GATB: variants seen among roughly 807,000 people sequenced by gnomAD.
GATB encodes the protein glutamyl-tRNA amidotransferase subunit B.
A neutral mutation model predicts 62.3 loss-of-function variants in GATB; 39 were observed. The ratio of observed to expected loss-of-function variants is 0.63; its 90% CI spans 0.48 to 0.82. The LOEUF is 0.82. Ranked by LOEUF, GATB falls within the 40% of genes least tolerant of loss-of-function variation. The pLI is 0.00. For synonymous variants in GATB, 276 were observed against 258.9 expected (o/e 1.07, Z -0.63); for missense variants, 670 against 684.0 (o/e 0.98, Z 0.23).
At chr4:151,678,655 C>CA (rs1338276711) in intron 11 of GATB, among the ~76,000 whole-genome samples, 1 of 152,108 alleles carries the variant, frequency 6.6e-6, no homozygotes, top group Non-Finnish European at 1.5e-5. Flanking sequence ...TCCAGTTCCA[C>CA]AGCACCCAGC....
chr4:151,748,765 T>C (rs1020789593), intron 2 of GATB, among the ~76,000 whole-genome samples: 3 of 152,234 alleles, frequency 2.0e-5, no homozygotes, highest in Non-Finnish European at 4.4e-5. Flanking sequence ...TCTACCCATC[T>C]GACAAAGGGC....
chr4:151,724,661 C>T (rs746919762), intron 2 of GATB, among the ~76,000 whole-genome samples: 4 of 152,004 alleles, frequency 2.6e-5, no homozygotes, highest in Non-Finnish European at 5.9e-5. Context: ...TCCTCATCTG[C>T]TTGAGCAAGA....
rs534555659 is a variant in GATB at position 151,716,264 on chromosome 4, T to A, written c.641-133A>T. 3.1e-5 allele frequency: 24 copies of A among 770,736 alleles called. 1 individual carries two copies. The highest frequency in any genetic ancestry group is 1.8e-4 in the African/African-American group (10 of 54,790). 47.7% of individuals were successfully genotyped at this position (770,736 alleles called of 1,614,324 possible). A position where few individuals can be genotyped will look rare whatever the true frequency, so the allele number is the denominator to read the frequency against. On this transcript the variant is annotated intron_variant, in intron 4 of 12. Transcript: ENST00000263985. ...GTGGTTCTAGCCTCTCAATCATTTCTCTTCCCTCCCACCTTTTTTTTTTTT... is the reference window on the plus strand; with the variant it reads ...GTGGTTCTAGCCTCTCAATCATTTCACTTCCCTCCCACCTTTTTTTTTTTT...
intron 9 of GATB, among the ~76,000 whole-genome samples, chr4:151,689,026 T>C (rs1227427314): frequency 2.6e-5 from 4 of 152,176 alleles, no homozygotes; most frequent in Non-Finnish European, 5.9e-5. Flanking sequence ...ACCAGAGGGA[T>C]GGTGAAATTC....
At chr4:151,715,771 G>A (rs1470634736) in intron 5 of GATB, among the ~76,000 whole-genome samples, 2 of 152,136 alleles carry the variant, frequency 1.3e-5, no homozygotes, top group African/African-American at 4.8e-5. Context: ...TGGTGTCTCT[G>A]CAATGTTGTT....
At chr4:151,695,385 A>T (rs1312362923) in intron 9 of GATB, among the ~76,000 whole-genome samples, 3 of 152,126 alleles carry the variant, frequency 2.0e-5, no homozygotes, top group Admixed American at 6.5e-5. Context: ...CAGAGGTCAG[A>T]TGTGGAATCA....
intron 2 of GATB, among the ~76,000 whole-genome samples, chr4:151,735,909 C>T (rs1458423310): frequency 1.3e-5 from 2 of 151,628 alleles, no homozygotes; most frequent in Non-Finnish European, 2.9e-5. Flanking sequence ...AGACAACATA[C>T]ATGGTGCAGT....
At chr4:151,688,815 A>T (rs915190951) in intron 9 of GATB, 52 bp from the exon 10 acceptor site, 6 of 1,543,574 alleles carry the variant, frequency 3.9e-6, no homozygotes, top group East Asian at 4.5e-5. Context: ...AAAATGAAAG[A>T]TCAGCATTCT....
chr4:151,679,681 A>G, intron 11 of GATB, 132 bp downstream of exon 11: 1 of 773,778 alleles, frequency 1.3e-6, no homozygotes, highest in Non-Finnish European at 2.3e-6. Flanking sequence ...TCTACCTTTC[A>G]GCATTAAAAA....
At chr4:151,719,160 G>T (rs1353289020) in intron 3 of GATB, among the ~76,000 whole-genome samples, 1 of 152,222 alleles carries the variant, frequency 6.6e-6, no homozygotes, top group Non-Finnish European at 1.5e-5. Context: ...TGCAAACACT[G>T]GCTTCTACTC....
intron 1 of GATB, among the ~76,000 whole-genome samples, chr4:151,760,484 C>T (rs1204837327): frequency 2.0e-5 from 3 of 152,214 alleles, no homozygotes; most frequent in African/African-American, 7.2e-5. Flanking sequence ...TCCCGCTTCT[C>T]GTGTCACCGT....
chr4:151,721,899 CA>C (rs1739039526), intron 2 of GATB: 1 of 421,600 alleles, frequency 2.4e-6, no homozygotes, highest in Admixed American at 4.3e-5. Context: ...ACGGGCACTT[CA>C]TAAACCACCA....
intron 2 of GATB, among the ~76,000 whole-genome samples, chr4:151,751,741 T>C (rs1159992764): frequency 1.3e-5 from 2 of 152,244 alleles, no homozygotes; most frequent in Non-Finnish European, 2.9e-5. Flanking sequence ...GAACATTTTG[T>C]TTTTCCTAGA....
intron 2 of GATB, among the ~76,000 whole-genome samples, chr4:151,734,882 T>C (rs979889002): frequency 2.0e-5 from 3 of 152,234 alleles, no homozygotes; most frequent in Non-Finnish European, 4.4e-5. Context: ...TAGCCACATG[T>C]AGCAGAATCA....
chr4:151,705,377 ATC>A, intron 6 of GATB, 108 bp from the exon 7 acceptor site: 5 of 657,022 alleles, frequency 7.6e-6, no homozygotes, highest in Non-Finnish European at 1.1e-5. Context: ...AAAAAAAAAA[ATC>A]AAGAAGATTG....
rs1738907439 is a variant in GATB, at chr4:151,716,092, G to A, written c.680C>T (p.Ser227Phe). Residue 227 changes from serine to phenylalanine, a missense_variant, in exon 5 of 13, where the codon TCC becomes TTC. Ser to Phe is a radical substitution (Grantham distance 155, BLOSUM62 -2). Transcript: ENST00000263985. ...LLEVVLEPDM[S>F]CGEEAATAVR... ...AGCTGTTGCCGCCTCTTCTCCACAGGACATGTCGGGCTCCAGGACCACCTC... is the reference window on the plus strand; with the variant it reads ...AGCTGTTGCCGCCTCTTCTCCACAGAACATGTCGGGCTCCAGGACCACCTC... 4 of 1,613,798 alleles carry A rather than the reference G, an allele frequency of 2.5e-6. No homozygotes were observed. The highest frequency in any genetic ancestry group is 3.4e-6 in the Non-Finnish European group (4 of 1,179,938).
At chr4:151,685,345 A>G (rs1738221530) in intron 10 of GATB, among the ~76,000 whole-genome samples, 1 of 152,164 alleles carries the variant, frequency 6.6e-6, no homozygotes, top group Admixed American at 6.5e-5. Flanking sequence ...GGAGGCTGAC[A>G]GCACCTGTGG....
At position 151,704,265 on chromosome 4, in the gene GATB, T is replaced by C. The variant is rs78064004; in HGVS notation, c.963-370A>G. On this transcript the variant is annotated intron_variant, in intron 7 of 12. Transcript: ENST00000263985. ...CATCTCTACAACCAGGTCTTCACTC[T>C]GTTCCGCCTCTAGCTTCAGCTGGGA... Among the ~76,000 whole-genome samples the C allele has an allele frequency of 1.6e-3, 239 of 152,300 alleles. 7 individuals carry two copies. In the East Asian group the frequency reaches 0.039, roughly 25 times the overall value.
At chr4:151,685,110 G>T (rs1309805974) in intron 10 of GATB, among the ~76,000 whole-genome samples, 1 of 152,184 alleles carries the variant, frequency 6.6e-6, no homozygotes, top group East Asian at 1.9e-4. Context: ...CAGCAATTCC[G>T]TACATTTTAA....
Sources: gnomAD v4.1 joint callset for allele counts (sites outside exome capture counted in the v4.1 genomes callset) on GRCh38, gnomAD v4.1.1 for gene constraint, MANE v1.5 for transcripts, NCBI Gene and HGNC (gene_info 2026-07-23, HGNC 2026-07-21) for gene names.